Variants in NAA30 observed in about 807,000 individuals in gnomAD.
NAA30 encodes the protein N-alpha-acetyltransferase 30, NatC catalytic subunit, also known as N-alpha-acetyltransferase 30.
A neutral mutation model predicts 31.4 loss-of-function variants in NAA30; 5 were observed. The observed-to-expected ratio is 0.16, with a 90% CI of 0.08 to 0.33. NAA30 has a LOEUF of 0.33. Among genes scored for constraint, NAA30 ranks in the 10% least tolerant of loss-of-function variants. NAA30 has a pLI of 1.00. For synonymous variants in NAA30, 222 were observed against 207.1 expected (o/e 1.07, Z -0.62); for missense variants, 428 against 490.8 (o/e 0.87, Z 1.21).
At position 57,391,188 on chromosome 14, in the gene NAA30, G is replaced by T; in HGVS notation, c.231G>T (p.Pro77=). 6.2e-7 allele frequency: 1 copy of T among 1,610,812 alleles called. No individual in the cohort carries two copies. The change falls in exon 2 of 5, where the codon CCG becomes CCT. Residue 77 remains proline (P), a synonymous_variant. Coordinates refer to ENST00000556492, the MANE Select transcript of NAA30 (RefSeq NM_001011713.3). The surrounding 1 kb of genome is among the most constrained non-coding windows in gnomAD (Gnocchi z 4.1). ...ATCCGTGCCTCCGCTGCCCTCAGCCGCCGCAGGAGCAGCAGCAGCTCAACG... is the reference window on the plus strand; with the variant it reads ...ATCCGTGCCTCCGCTGCCCTCAGCCTCCGCAGGAGCAGCAGCAGCTCAACG... ...KGHPCLRCPQ[P]PQEQQQLNGL...
At chr14:57,402,588 A>AT (rs962404196) in intron 4 of NAA30, among the ~76,000 whole-genome samples, 13 of 151,968 alleles carry the variant, frequency 8.6e-5, no homozygotes, top group South Asian at 6.2e-4. Context: ...TCATAGTAGG[A>AT]TTTTTTTTAA....
chr14:57,391,780 C>CGGG lies in NAA30; in HGVS notation c.771+54_771+56dup. ...GAACCCAGCAGTGATCGAGACTGTG[C>CGGG]GGGGCAGGGAGTGAGGGCCCAGAAT... On this transcript the variant is annotated intron_variant, in intron 2 of 4. Coordinates refer to ENST00000556492, the MANE Select transcript of NAA30 (RefSeq NM_001011713.3). The surrounding 1 kb of genome is among the most constrained non-coding windows in gnomAD (Gnocchi z 4.1). 1 of 1,462,312 alleles carries CGGG rather than the reference C, an allele frequency of 6.8e-7. No homozygotes were observed. Among genetic ancestry groups the CGGG allele is most frequent in the South Asian group, 1.3e-5 (1 of 76,956 alleles). 90.6% of individuals were successfully genotyped at this position (1,462,312 alleles called of 1,614,324 possible).
At chr14:57,398,894 C>G (rs918770274) in intron 3 of NAA30, among the ~76,000 whole-genome samples, 1 of 152,158 alleles carries the variant, frequency 6.6e-6, no homozygotes, top group African/African-American at 2.4e-5. Flanking sequence ...ACCTTGGCCT[C>G]CCAAAGTGCT....
At chr14:57,407,774 A>G (rs2066503746) in intron 4 of NAA30, among the ~76,000 whole-genome samples, 1 of 152,170 alleles carries the variant, frequency 6.6e-6, no homozygotes, top group African/African-American at 2.4e-5. Context: ...CAAGAGCATC[A>G]CCCTAACTCT....
intron 4 of NAA30, among the ~76,000 whole-genome samples, chr14:57,402,263 T>G (rs900392452): frequency 1.3e-5 from 2 of 152,352 alleles, no homozygotes; most frequent in Middle Eastern, 3.4e-3. Context: ...CCATTTCACT[T>G]TTCTGTTATT....
chr14:57,400,180 CTG>C (rs1292244061), intron 4 of NAA30, among the ~76,000 whole-genome samples: 1 of 152,172 alleles, frequency 6.6e-6, no homozygotes, highest in Non-Finnish European at 1.5e-5. Flanking sequence ...ATTACAGACT[CTG>C]TTATAATTTG....
chr14:57,400,298 G>A (rs1285015561), intron 4 of NAA30, among the ~76,000 whole-genome samples: 1 of 152,188 alleles, frequency 6.6e-6, no homozygotes, highest in African/African-American at 2.4e-5. Flanking sequence ...GACAATGTTG[G>A]CTAGGGGGAA....
intron 2 of NAA30, among the ~76,000 whole-genome samples, chr14:57,395,214 G>A (rs1302683909): frequency 6.6e-6 from 1 of 152,082 alleles, no homozygotes; most frequent in East Asian, 1.9e-4. Context: ...ATTAGCGTGG[G>A]TTGTTGAATT....
intron 4 of NAA30, among the ~76,000 whole-genome samples, chr14:57,408,909 A>G (rs2066511136): frequency 6.6e-6 from 1 of 152,192 alleles, no homozygotes; most frequent in Admixed American, 6.5e-5. Context: ...ACTCTGGTCG[A>G]GACTCCAGAC....
chr14:57,390,805 G>T (rs1382154958), intron 1 of NAA30, 100 bp downstream of exon 1: 1 of 708,582 alleles, frequency 1.4e-6, no homozygotes, highest in Non-Finnish European at 2.1e-6. Context: ...CTGAAGAGCG[G>T]GGGGGTGGCG....
chr14:57,394,808 A>G (rs1426474071), intron 2 of NAA30, among the ~76,000 whole-genome samples: 1 of 151,968 alleles, frequency 6.6e-6, no homozygotes, highest in East Asian at 1.9e-4. Context: ...AATGGTTTTA[A>G]TTTTTCCTCA....
At chr14:57,405,171 A>G (rs952212317) in intron 4 of NAA30, among the ~76,000 whole-genome samples, 2 of 152,164 alleles carry the variant, frequency 1.3e-5, no homozygotes, top group Non-Finnish European at 2.9e-5. Flanking sequence ...ATAATATAGT[A>G]GCTGACTCTA....
intron 4 of NAA30, among the ~76,000 whole-genome samples, chr14:57,403,992 T>C (rs902025047): frequency 6.6e-6 from 1 of 152,130 alleles, no homozygotes; most frequent in Non-Finnish European, 1.5e-5. Context: ...TTCAAGGTTG[T>C]TTTTGTTTTG....
rs2066519706 is a variant in NAA30 at position 57,410,880 on chromosome 14, A to T, written c.*1364A>T. 2 of 152,560 alleles carry T rather than the reference A, an allele frequency of 1.3e-5. No individual in the cohort carries two copies. Among genetic ancestry groups the T allele is most frequent in the African/African-American group, 4.8e-5 (2 of 41,450 alleles). 9.5% of individuals were successfully genotyped at this position (152,560 alleles called of 1,614,324 possible). A position where few individuals can be genotyped will look rare whatever the true frequency, so the allele number is the denominator to read the frequency against. On this transcript the variant is annotated 3_prime_UTR_variant, in exon 5 of 5. Transcript: ENST00000556492. ...TAACTGGAAAACCTAGGTACCCATA[A>T]GAAAAAAGATTCATTCTCTGTGAAA...
rs898029917 is a variant in NAA30, at chr14:57,409,893, T to C, written c.*377T>C. 1.9e-5 allele frequency: 3 copies of C among 161,282 alleles called. No homozygotes were observed. The highest frequency in any genetic ancestry group is 7.2e-5 in the African/African-American group (3 of 41,898). The allele number at this position is 161,282 out of a possible 1,614,324, so 10.0% of individuals were successfully genotyped here. A position where few individuals can be genotyped will look rare whatever the true frequency, so the allele number is the denominator to read the frequency against. On this transcript the variant is annotated 3_prime_UTR_variant, in exon 5 of 5. Transcript: ENST00000556492. ...AATGTGGATTGTAAAAGTCTTTAAGTATACTAACATTTCACACAAAACCTG... is the reference window on the plus strand; with the variant it reads ...AATGTGGATTGTAAAAGTCTTTAAGCATACTAACATTTCACACAAAACCTG...
intron 4 of NAA30, among the ~76,000 whole-genome samples, chr14:57,400,962 C>T (rs1047288995): frequency 1.3e-5 from 2 of 151,492 alleles, no homozygotes; most frequent in African/African-American, 4.9e-5. Context: ...CACTCCAGCT[C>T]CTGGCCTCAG....
rs2066537809 is a variant in NAA30, at chr14:57,414,314, A to G, written c.*4798A>G. On this transcript the variant is annotated 3_prime_UTR_variant, in exon 5 of 5. Coordinates refer to ENST00000556492, the MANE Select transcript of NAA30 (RefSeq NM_001011713.3). ...TTTATACTGACAATATATTTCATTA[A>G]TACAGTGTTTGACCACTTTCCACCC... 1 of 152,230 alleles carries G rather than the reference A, an allele frequency of 6.6e-6. No homozygotes were observed. Among genetic ancestry groups the G allele is most frequent in the African/African-American group, 2.4e-5 (1 of 41,464 alleles). 9.4% of individuals were successfully genotyped at this position (152,230 alleles called of 1,614,324 possible).
At chr14:57,393,340 T>G (rs2066437794) in intron 2 of NAA30, among the ~76,000 whole-genome samples, 1 of 152,170 alleles carries the variant, frequency 6.6e-6, no homozygotes, top group Non-Finnish European at 1.5e-5. Context: ...ATGTTAGCCT[T>G]TAGTAGCTCA....
At chr14:57,408,165 T>G (rs1431076423) in intron 4 of NAA30, among the ~76,000 whole-genome samples, 1 of 152,212 alleles carries the variant, frequency 6.6e-6, no homozygotes, top group African/African-American at 2.4e-5. Context: ...GGAAGAGACT[T>G]ATGCTTCACT....
Sources: allele counts gnomAD v4.1 joint callset (sites outside exome capture counted in the v4.1 genomes callset), GRCh38; gene constraint gnomAD v4.1.1; non-coding constraint Gnocchi (gnomAD v3.1); transcripts MANE v1.5; gene names NCBI Gene and HGNC (gene_info 2026-07-23, HGNC 2026-07-21).